Variants in NRXN1 observed in about 807,000 individuals in gnomAD.
The protein encoded by NRXN1 is neurexin-1.
Under a neutral mutation model 150.9 loss-of-function variants are expected in NRXN1, and 39 were observed. The observed-to-expected ratio is 0.26, with a 90% confidence interval of 0.20 to 0.34. The LOEUF (loss-of-function observed/expected upper bound fraction) is 0.34, where lower values mean the gene tolerates loss of function less well. Ranked by LOEUF, NRXN1 falls within the 10% of genes least tolerant of loss-of-function variation. The pLI, the probability that NRXN1 is intolerant of heterozygous loss-of-function variation, is 1.00. For missense variants in NRXN1, 1,815 were observed against 1,949.9 expected, an observed-to-expected ratio of 0.93 and a Z score of 1.30; for synonymous variants, 924 against 757.0, an observed-to-expected ratio of 1.22 and a Z score of -3.62.
intron 5 of NRXN1, among the ~76,000 whole-genome samples, chr2:50,787,739 TAACAACCCTGAAAAGACCAGGAAC>T (rs1381763585): frequency 6.6e-6 from 1 of 151,482 alleles, no homozygotes; most frequent in East Asian, 1.9e-4. Context: ...CAGGGCTTTA[TAACAACCCTGAAAAGACCAGGAAC>T]CATGAGTTAG....
chr2:50,504,212 G>C (rs557286866), intron 13 of NRXN1, among the ~76,000 whole-genome samples: 1 of 150,314 alleles, frequency 6.7e-6, no homozygotes, highest in East Asian at 2.0e-4. Context: ...TGCTTATTGC[G>C]TATTGATAAC....
intron 8 of NRXN1, among the ~76,000 whole-genome samples, chr2:50,614,462 C>T (rs1018246379): frequency 1.2e-3 from 188 of 151,936 alleles, no homozygotes; most frequent in African/African-American, 4.3e-3. Context: ...CTCTATTCCT[C>T]TCTGAGCAAA....
intron 5 of NRXN1, among the ~76,000 whole-genome samples, chr2:50,895,827 T>C (rs991960735): frequency 1.9e-4 from 29 of 151,888 alleles, no homozygotes; most frequent in Non-Finnish European, 3.1e-4. Flanking sequence ...TAATCCACCC[T>C]CATCAGCCTC....
intron 17 of NRXN1, among the ~76,000 whole-genome samples, chr2:50,323,329 G>A (rs184551579): frequency 6.6e-4 from 100 of 152,272 alleles, no homozygotes; most frequent in Non-Finnish European, 2.4e-4. Context: ...ATCCTAAGGT[G>A]AAGCTGATGC....
intron 5 of NRXN1, among the ~76,000 whole-genome samples, chr2:50,649,056 C>T (rs1254374844): frequency 2.0e-5 from 3 of 151,874 alleles, no homozygotes; most frequent in African/African-American, 7.2e-5. Context: ...CCCTGATTTG[C>T]CCAGCAGTGA....
intron 5 of NRXN1, among the ~76,000 whole-genome samples, chr2:50,858,563 C>G (rs1375858051): frequency 6.9e-6 from 1 of 145,542 alleles, no homozygotes; most frequent in Non-Finnish European, 1.6e-5. Flanking sequence ...TACCACATAT[C>G]AAAAGGCTAC....
At chr2:50,834,432 C>T (rs1022054567) in intron 5 of NRXN1, among the ~76,000 whole-genome samples, 3 of 152,132 alleles carry the variant, frequency 2.0e-5, no homozygotes, top group Non-Finnish European at 4.4e-5. Flanking sequence ...AACAACTCAA[C>T]TGCTAGAATT....
chr2:50,616,845 C>T (rs1029049298), intron 8 of NRXN1, among the ~76,000 whole-genome samples: 8 of 152,242 alleles, frequency 5.3e-5, no homozygotes, highest in Non-Finnish European at 8.8e-5. Context: ...TGCCATCAGC[C>T]AATAAATGAA....
At chr2:50,125,417 A>C (rs2152741385) in intron 18 of NRXN1, among the ~76,000 whole-genome samples, 1 of 152,220 alleles carries the variant, frequency 6.6e-6, no homozygotes, top group South Asian at 2.1e-4. Context: ...TAAGCATATA[A>C]GATTACACAT....
At chr2:49,967,422 T>TA (rs1170042114) in intron 21 of NRXN1, among the ~76,000 whole-genome samples, 3 of 152,078 alleles carry the variant, frequency 2.0e-5, no homozygotes, top group African/African-American at 7.2e-5. Context: ...ATGATGGAGA[T>TA]ACATTCAACA....
rs2083235293 is a variant in NRXN1 at position 50,412,161 on chromosome 2, GACAC to G, written c.3364+53277_3364+53280del. ...CACTCCCTAATCTCAAGTACCCAGGGACACAAACACTGCAGAAGGCGGCAGGGCC... is the reference window on the plus strand; with the variant it reads ...CACTCCCTAATCTCAAGTACCCAGGGAAACACTGCAGAAGGCGGCAGGGCC... On this transcript the variant is annotated intron_variant, in intron 17 of 22. Coordinates refer to ENST00000401669, the MANE Select transcript of NRXN1 (RefSeq NM_001330078.2). Among the ~76,000 whole-genome samples the G allele has an allele frequency of 1.3e-5, 2 of 151,762 alleles. 1 individual carries two copies. The highest frequency in any genetic ancestry group is 6.3e-3 in the Middle Eastern group (2 of 316).
At chr2:50,702,688 ATTAT>A (rs1256343831) in intron 5 of NRXN1, among the ~76,000 whole-genome samples, 5 of 152,208 alleles carry the variant, frequency 3.3e-5, no homozygotes, top group Admixed American at 3.3e-4. Flanking sequence ...ACATTGTATG[ATTAT>A]TTGTTATTTT....
chr2:50,631,349 C>A (rs1219284982), intron 5 of NRXN1: 3 of 263,168 alleles, frequency 1.1e-5, no homozygotes, highest in Non-Finnish European at 2.2e-5. Context: ...ACCCAGGACT[C>A]TTGATGATAC....
chr2:50,072,618 A>C (rs1178307634), intron 19 of NRXN1, among the ~76,000 whole-genome samples: 11 of 151,826 alleles, frequency 7.2e-5, no homozygotes, highest in East Asian at 5.8e-4. Context: ...AAAAAATAAA[A>C]CAGCAACTTT....
chr2:50,220,676 C>A (rs966103669), intron 18 of NRXN1, among the ~76,000 whole-genome samples: 1 of 152,036 alleles, frequency 6.6e-6, no homozygotes, highest in Non-Finnish European at 1.5e-5. Context: ...AGTTCCACGT[C>A]TTTTTGTGAA....
At chr2:50,625,490 C>A (rs1331976340) in intron 5 of NRXN1, among the ~76,000 whole-genome samples, 3 of 152,038 alleles carry the variant, frequency 2.0e-5, no homozygotes, top group Non-Finnish European at 4.4e-5. Flanking sequence ...GGCTGAGCAC[C>A]TCCCAAGTGT....
At chr2:50,101,070 T>TG (rs1300225928) in intron 18 of NRXN1, among the ~76,000 whole-genome samples, 1 of 152,134 alleles carries the variant, frequency 6.6e-6, no homozygotes, top group East Asian at 1.9e-4. Context: ...TGTAATGAGC[T>TG]GATCAGATGT....
intron 12 of NRXN1, among the ~76,000 whole-genome samples, chr2:50,512,069 A>G (rs1400206746): frequency 6.6e-6 from 1 of 152,102 alleles, no homozygotes; most frequent in Non-Finnish European, 1.5e-5. Context: ...ATAATCCCAT[A>G]TAAAAGCATA....
At chr2:50,856,919 C>T (rs1281570243) in intron 5 of NRXN1, among the ~76,000 whole-genome samples, 3 of 152,014 alleles carry the variant, frequency 2.0e-5, no homozygotes, top group African/African-American at 4.8e-5. Flanking sequence ...TAGCTCTAGC[C>T]TATCCTATTC....
Sources: gnomAD v4.1 joint callset for allele counts (sites outside exome capture counted in the v4.1 genomes callset) on GRCh38, gnomAD v4.1.1 for gene constraint, MANE v1.5 for transcripts, NCBI Gene and HGNC (gene_info 2026-07-23, HGNC 2026-07-21) for gene names.